The following PLCXD3 variants were observed in gnomAD, a reference collection of about 807,000 sequenced individuals.
PLCXD3 encodes phosphatidylinositol specific phospholipase C X domain containing 3.
A neutral mutation model predicts 25.5 loss-of-function variants in PLCXD3; 19 were observed. That is an observed-to-expected ratio of 0.75 (90% CI 0.52 to 1.09). The LOEUF (loss-of-function observed/expected upper bound fraction) is 1.09, where lower values mean the gene tolerates loss of function less well. Ranked by LOEUF, PLCXD3 falls within the 50% of genes least tolerant of loss-of-function variation. The probability of loss-of-function intolerance (pLI) is 0.00; values close to 1 mark genes in which losing one functional copy is unlikely to be tolerated. For missense variants in PLCXD3, 411 were observed against 388.1 expected (o/e 1.06, Z -0.50); for synonymous variants, 174 against 137.6 (o/e 1.26, Z -1.85).
intron 2 of PLCXD3, among the ~76,000 whole-genome samples, chr5:41,366,040 C>T (rs1744928188): frequency 6.6e-6 from 1 of 151,742 alleles, no homozygotes; most frequent in Non-Finnish European, 1.5e-5. Context: ...TGTGCTGCAC[C>T]CGTTAACTCG....
At chr5:41,322,427 G>T (rs2150470457) in intron 2 of PLCXD3, among the ~76,000 whole-genome samples, 1 of 152,272 alleles carries the variant, frequency 6.6e-6, no homozygotes, top group South Asian at 2.1e-4. Flanking sequence ...GAGGGGACAT[G>T]GAGAAAAGGG....
chr5:41,385,325 T>C (rs167628), intron 1 of PLCXD3, among the ~76,000 whole-genome samples: 139,554 of 152,084 alleles, frequency 0.92, 64,463 homozygotes, highest in African/African-American at 0.96. Context: ...CAAACTCATA[T>C]CTTGGACCTG....
chr5:41,500,096 C>T (rs1748920739), intron 1 of PLCXD3, among the ~76,000 whole-genome samples: 1 of 151,620 alleles, frequency 6.6e-6, no homozygotes, highest in Non-Finnish European at 1.5e-5. Context: ...GAATTCAATA[C>T]ATCAAAAAAA....
chr5:41,320,846 C>T (rs149110772), intron 2 of PLCXD3, among the ~76,000 whole-genome samples: 2,077 of 152,294 alleles, frequency 0.014, 68 homozygotes, highest in African/African-American at 0.047. Flanking sequence ...GAATGAAAAC[C>T]ATATGATCAT....
intron 1 of PLCXD3, among the ~76,000 whole-genome samples, chr5:41,397,024 A>C (rs1746027990): frequency 6.6e-6 from 1 of 152,268 alleles, no homozygotes; most frequent in Non-Finnish European, 1.5e-5. Flanking sequence ...AGATCATAAA[A>C]GTTTGGAAAA....
intron 1 of PLCXD3, among the ~76,000 whole-genome samples, chr5:41,480,265 A>T (rs899691486): frequency 6.6e-6 from 1 of 152,204 alleles, no homozygotes; most frequent in Non-Finnish European, 1.5e-5. Flanking sequence ...CCTAGGGTCA[A>T]GGACCAATGA....
chr5:41,401,937 G>A (rs551000469), intron 1 of PLCXD3, among the ~76,000 whole-genome samples: 1 of 151,980 alleles, frequency 6.6e-6, no homozygotes, highest in African/African-American at 2.4e-5. Flanking sequence ...GTAGGATCTG[G>A]TGATGCCCCT....
intron 1 of PLCXD3, among the ~76,000 whole-genome samples, chr5:41,508,117 G>A (rs1332738572): frequency 6.6e-6 from 1 of 152,140 alleles, no homozygotes; most frequent in Non-Finnish European, 1.5e-5. Flanking sequence ...GTGAGAAGGG[G>A]AAGCTTTACA....
intron 1 of PLCXD3, among the ~76,000 whole-genome samples, chr5:41,450,378 A>C (rs1747601360): frequency 6.6e-6 from 1 of 152,114 alleles, no homozygotes; most frequent in Non-Finnish European, 1.5e-5. Context: ...CTCCAAGATA[A>C]AGGACATGGA....
In PLCXD3 at chr5:41,494,682, G is replaced by C. The variant is rs547404246; in HGVS notation, c.103+15742C>G. On this transcript the variant is annotated intron_variant, in intron 1 of 2. Coordinates refer to ENST00000377801, the MANE Select transcript of PLCXD3 (RefSeq NM_001005473.3). ...AATGCATATGATGGGAAGGTAGTGG[G>C]ATATATGAGGATAGAGTCCAGCAAA... Among the ~76,000 whole-genome samples, 20 of 152,280 alleles carry C rather than the reference G, an allele frequency of 1.3e-4. No homozygotes were observed. The South Asian group carries it at 3.1e-3, about 24-fold the overall frequency.
chr5:41,424,441 G>C (rs1746902646), intron 1 of PLCXD3, among the ~76,000 whole-genome samples: 1 of 152,132 alleles, frequency 6.6e-6, no homozygotes, highest in African/African-American at 2.4e-5. Context: ...TCGGGAGGCT[G>C]GGGCAGGAGA....
intron 2 of PLCXD3, among the ~76,000 whole-genome samples, chr5:41,339,505 A>G (rs1256562569): frequency 6.6e-6 from 1 of 152,034 alleles, no homozygotes. Flanking sequence ...TGGTCATGTA[A>G]ATTATCTGCC....
chr5:41,412,319 C>T (rs1015202896), intron 1 of PLCXD3, among the ~76,000 whole-genome samples: 44 of 141,694 alleles, frequency 3.1e-4, no homozygotes, highest in Non-Finnish European at 5.9e-4. Flanking sequence ...CTAATAAATA[C>T]TTTAACAATT....
At chr5:41,470,345 T>A (rs1381291139) in intron 1 of PLCXD3, among the ~76,000 whole-genome samples, 1 of 151,704 alleles carries the variant, frequency 6.6e-6, no homozygotes, top group Non-Finnish European at 1.5e-5. Flanking sequence ...AGAATACTGA[T>A]GAAAAGAAAG....
At chr5:41,486,956 T>C (rs576838209) in intron 1 of PLCXD3, among the ~76,000 whole-genome samples, 1 of 152,154 alleles carries the variant, frequency 6.6e-6, no homozygotes, top group South Asian at 2.1e-4. Flanking sequence ...TTTACAGATG[T>C]AACACCTGAT....
chr5:41,374,578 T>C (rs933554618), intron 2 of PLCXD3, among the ~76,000 whole-genome samples: 1 of 152,138 alleles, frequency 6.6e-6, no homozygotes, highest in African/African-American at 2.4e-5. Context: ...TATATGTATC[T>C]GTATGCATAC....
intron 2 of PLCXD3, among the ~76,000 whole-genome samples, chr5:41,378,288 T>A (rs187224890): frequency 1.4e-4 from 22 of 152,192 alleles, no homozygotes; most frequent in African/African-American, 4.1e-4. Context: ...CACATTAATA[T>A]AACATTCAGA....
At chr5:41,451,639 C>CTT (rs764667385) in intron 1 of PLCXD3, among the ~76,000 whole-genome samples, 11 of 147,934 alleles carry the variant, frequency 7.4e-5, no homozygotes, top group Admixed American at 1.4e-4. Flanking sequence ...TCTTTCCTCT[C>CTT]TCTTTTTTTT....
intron 1 of PLCXD3, among the ~76,000 whole-genome samples, chr5:41,489,096 T>A (rs941825319): frequency 6.7e-4 from 102 of 152,198 alleles, no homozygotes; most frequent in Non-Finnish European, 1.2e-3. Context: ...CACCTTGAAT[T>A]GATTTTTGTA....
Sources: allele counts gnomAD v4.1 joint callset (sites outside exome capture counted in the v4.1 genomes callset), GRCh38; gene constraint gnomAD v4.1.1; transcripts MANE v1.5; gene names NCBI Gene and HGNC (gene_info 2026-07-23, HGNC 2026-07-21).